Variants in PPP2R3B observed in about 807,000 individuals in gnomAD.
PPP2R3B encodes protein phosphatase 2 regulatory subunit B''beta.
PPP2R3B carries 68 observed loss-of-function variants against 72.9 expected under a neutral mutation model. That is an observed-to-expected ratio of 0.93 (90% CI 0.77 to 1.14). The LOEUF (loss-of-function observed/expected upper bound fraction) is 1.14. Among genes scored for constraint, PPP2R3B ranks in the 50% most tolerant of loss-of-function variants. The pLI is 0.00. For missense variants in PPP2R3B, 1,018 were observed against 842.0 expected (o/e 1.21, Z -2.59); for synonymous variants, 466 against 375.8 (o/e 1.24, Z -2.78).
chrX:359,898 T>G (rs770364359), intron 2 of PPP2R3B: 1 of 493,402 alleles, frequency 2.0e-6, no homozygotes, highest in African/African-American at 2.0e-5. Context: ...TGAATGTGTC[T>G]AGTTTGTTAG....
At chrX:362,974 C>T (rs1291784729) in intron 1 of PPP2R3B, among the ~76,000 whole-genome samples, 3 of 152,006 alleles carry the variant, frequency 2.0e-5, no homozygotes, top group African/African-American at 7.3e-5. Flanking sequence ...CCACTGACAG[C>T]GCCTCAACTG....
chrX:345,628 G>A lies in PPP2R3B; in HGVS notation c.924C>T (p.Thr308=). ...AGAAATGCTCGTACGAGAAGAATTCGGTCAGCTGGTTGATGTCCGCCTCCT... is the reference window on the plus strand; with the variant it reads ...AGAAATGCTCGTACGAGAAGAATTCAGTCAGCTGGTTGATGTCCGCCTCCT... The part of the protein sequence containing the change: ...LEEEADINQL[T]EFFSYEHFYV... The change falls in exon 7 of 13, where the codon ACC becomes ACT. Residue 308 remains threonine (T), a synonymous_variant. Transcript: ENST00000390665. 6.2e-7 allele frequency: 1 copy of A among 1,613,118 alleles called. No individual in the cohort carries two copies. Among genetic ancestry groups the A allele is most frequent in the Non-Finnish European group, 8.5e-7 (1 of 1,179,536 alleles).
In PPP2R3B at chrX:386,364, T is replaced by C; in HGVS notation, c.324+4A>G. The C allele has an allele frequency of 7.6e-7, 1 of 1,312,956 alleles. No individual in the cohort carries two copies. Among genetic ancestry groups the C allele is most frequent in the South Asian group, 3.2e-5 (1 of 31,682 alleles). 81.3% of individuals were successfully genotyped at this position (1,312,956 alleles called of 1,614,324 possible). ...AGTTGTTAGCAGAAGGAAGAGTAACTTACTACTCTCGTCCCTGCGGATCTA... is the reference window on the plus strand; with the variant it reads ...AGTTGTTAGCAGAAGGAAGAGTAACCTACTACTCTCGTCCCTGCGGATCTA... On this transcript the variant is annotated splice_donor_region_variant and intron_variant, in intron 1 of 12. Transcript: ENST00000390665.
chrX:356,880 C>T (rs1211047808), intron 2 of PPP2R3B, among the ~76,000 whole-genome samples: 2 of 133,700 alleles, frequency 1.5e-5, no homozygotes, highest in East Asian at 2.6e-4. Context: ...ACAGTATCCA[C>T]ACCCCGCCAG....
chrX:379,099 GTATGCACC>G (rs2072063260), intron 1 of PPP2R3B, among the ~76,000 whole-genome samples: 1 of 151,490 alleles, frequency 6.6e-6, no homozygotes, highest in Non-Finnish European at 1.5e-5. Flanking sequence ...ACGTGTGTGT[GTATGCACC>G]TGTGTGTGCA....
At chrX:384,358 G>T (rs1440465301) in intron 1 of PPP2R3B, among the ~76,000 whole-genome samples, 1 of 149,734 alleles carries the variant, frequency 6.7e-6, no homozygotes, top group Non-Finnish European at 1.5e-5. Flanking sequence ...GAGCAGTGGT[G>T]CAATCTCAGC....
At chrX:384,882 G>A (rs1359502454) in intron 1 of PPP2R3B, among the ~76,000 whole-genome samples, 1 of 151,498 alleles carries the variant, frequency 6.6e-6, no homozygotes, top group African/African-American at 2.4e-5. Flanking sequence ...CTACTCGGGA[G>A]GCTGAGGGAG....
At chrX:381,098 T>C (rs2072114736) in intron 1 of PPP2R3B, among the ~76,000 whole-genome samples, 1 of 152,036 alleles carries the variant, frequency 6.6e-6, no homozygotes, top group Non-Finnish European at 1.5e-5. Flanking sequence ...TGGCTGATTT[T>C]ACTATTTTAC....
Position 346,747 on chromosome X carries a change from G to A in PPP2R3B, c.746C>T (p.Ser249Leu), listed in dbSNP as rs758431074. ...GAACTCGGACGCCTCCTTCAGGAAC[G>A]ACAGCCCCGGGTGCGTGTTCACCAC... Reference protein sequence around the residue: ...QDVVNTHPGLSFLKEASEFHS... With the variant: ...QDVVNTHPGLLFLKEASEFHS... The change falls in exon 5 of 13, where the codon TCG becomes TTG. Residue 249 changes from serine (S) to leucine (L), a missense_variant. Transcript: ENST00000390665. The A allele has an allele frequency of 3.2e-5, 51 of 1,610,502 alleles. No individual in the cohort carries two copies. The highest frequency in any genetic ancestry group is 4.0e-5 in the Non-Finnish European group (47 of 1,178,884).
In PPP2R3B at chrX:338,705, A is replaced by G. The variant is rs1301051344; in HGVS notation, c.1476T>C (p.Gly492=). 3 of 1,611,512 alleles carry G rather than the reference A, an allele frequency of 1.9e-6. No individual in the cohort carries two copies. The highest frequency in any genetic ancestry group is 3.3e-5 in the Admixed American group (2 of 59,974). The change falls in exon 12 of 13, where the codon GGT becomes GGC. Residue 492 remains glycine (G), a synonymous_variant. Transcript: ENST00000390665. ...CCGAGAGCTCGGGGCCGCCGCTGTC[A>G]CCGTCCTGGAGGAAGCACACGGGTT... ...QKEQISLLRD[G]DSGGPELSDW...
intron 7 of PPP2R3B, 89 bp downstream of exon 7, chrX:345,427 G>C (rs1440088536): frequency 1.9e-6 from 3 of 1,549,626 alleles, no homozygotes; most frequent in Non-Finnish European, 1.8e-6. Flanking sequence ...TGGGAGTGCG[G>C]AAGGAGAGGC....
rs775169694 is a variant in PPP2R3B, at chrX:386,635, G to T, written c.57C>A (p.Phe19Leu). Residue 19 changes from phenylalanine to leucine, a missense_variant, in exon 1 of 13, where the codon TTC (phenylalanine) becomes TTA (leucine). By Grantham distance (22) the Phe-to-Leu change is conservative. Transcript: ENST00000390665. Reference protein sequence around the residue: ...PVLKMKVDELFLYWLSEASTQ... With the variant: ...PVLKMKVDELLLYWLSEASTQ... ...TGCTGGCCTCGCTGAGCCAGTACAG[G>T]AACAGCTCGTCCACCTTCATCTTCA... 1 of 1,432,902 alleles carries T rather than the reference G, an allele frequency of 7.0e-7. No homozygotes were observed. The highest frequency in any genetic ancestry group is 1.4e-5 in the South Asian group (1 of 70,096). The allele number at this position is 1,432,902 out of a possible 1,614,324, so 88.8% of individuals were successfully genotyped here. A position where few individuals can be genotyped will look rare whatever the true frequency, so the allele number is the denominator to read the frequency against.
rs762474795 is a variant in PPP2R3B at position 346,219 on chromosome X, G to A, written c.834C>T (p.Ser278=). The A allele has an allele frequency of 1.0e-5, 16 of 1,571,842 alleles. No individual in the cohort carries two copies. The African/African-American group carries it at 1.2e-4, about 12-fold the overall frequency. The part of the protein sequence containing the change: ...RIFYAVNRSW[S]GRITCAELRR... ...GCAGCTCGGCGCAGGTGATCCTGCC[G>A]GACCAGGACCGGTTCACGGCGTAGA... is the stretch of plus-strand genomic sequence containing the variant. The change falls in exon 6 of 13, where the codon TCC becomes TCT. Residue 278 remains serine, a synonymous_variant. Coordinates refer to ENST00000390665, the MANE Select transcript of PPP2R3B (RefSeq NM_013239.5).
At chrX:345,697 A>G in intron 6 of PPP2R3B, 25 bp from the exon 7 acceptor site, 1 of 1,567,488 alleles carries the variant, frequency 6.4e-7, no homozygotes, top group Non-Finnish European at 8.7e-7. Context: ...AGGCGGCCTG[A>G]GCGCGGGGCC....
chrX:357,842 G>A (rs955445262), intron 2 of PPP2R3B, among the ~76,000 whole-genome samples: 4 of 152,140 alleles, frequency 2.6e-5, no homozygotes, highest in African/African-American at 9.7e-5. Context: ...AGAAAACACA[G>A]AGGAGTGACA....
At position 386,391 on chromosome X, in the gene PPP2R3B, G is replaced by C. The variant is rs776224549; in HGVS notation, c.301C>G (p.Arg101Gly). Residue 101 changes from arginine to glycine, a missense_variant, in exon 1 of 13, where the codon CGT becomes GGT. Transcript: ENST00000390665. ...ACTACTCTCGTCCCTGCGGATCTAC[G>C]GGTGCCTCGAACGTGGGGCGCGTTC... is the stretch of plus-strand genomic sequence containing the variant. ...PRNAPHVRGT[R>G]RSAGTRVVQT... 1.5e-6 allele frequency: 2 copies of C among 1,320,748 alleles called. No homozygotes were observed. Among genetic ancestry groups the C allele is most frequent in the Admixed American group, 6.1e-5 (2 of 32,770 alleles). 81.8% of individuals were successfully genotyped at this position (1,320,748 alleles called of 1,614,324 possible).
At chrX:381,590 CATCTT>C (rs2072125469) in intron 1 of PPP2R3B, among the ~76,000 whole-genome samples, 2 of 140,862 alleles carry the variant, frequency 1.4e-5, no homozygotes, top group Non-Finnish European at 3.0e-5. Context: ...GGAACAAGCT[CATCTT>C]TTTTTTTTTT....
intron 1 of PPP2R3B, among the ~76,000 whole-genome samples, chrX:366,623 A>G (rs868145312): frequency 7.0e-4 from 6 of 8,626 alleles, no homozygotes; most frequent in Non-Finnish European, 1.0e-3. Flanking sequence ...GCTTCAACAC[A>G]GGAGGCAGAG....
At chrX:379,755 T>G (rs2072084481) in intron 1 of PPP2R3B, among the ~76,000 whole-genome samples, 1 of 152,252 alleles carries the variant, frequency 6.6e-6, no homozygotes, top group Admixed American at 6.5e-5. Flanking sequence ...TGTTAAGGTA[T>G]CAATTATCCT....
Sources: gnomAD v4.1 joint callset for allele counts (sites outside exome capture counted in the v4.1 genomes callset) on GRCh38, gnomAD v4.1.1 for gene constraint, MANE v1.5 for transcripts, NCBI Gene and HGNC (gene_info 2026-07-23, HGNC 2026-07-21) for gene names.